RNGTT: variants seen among roughly 807,000 people sequenced by gnomAD.
RNGTT encodes the protein RNA guanylyltransferase and 5'-phosphatase.
Under a neutral mutation model 79.3 loss-of-function variants are expected in RNGTT, and 33 were observed. That is an observed-to-expected ratio of 0.42 (90% CI 0.32 to 0.56). RNGTT has a LOEUF of 0.56. RNGTT is among the 20% of genes least tolerant of loss of function. The pLI, the probability that RNGTT is intolerant of heterozygous loss-of-function variation, is 0.17. For missense variants in RNGTT, 497 were observed against 739.1 expected (o/e 0.67, Z 3.80); for synonymous variants, 222 against 235.9 (o/e 0.94, Z 0.54).
intron 12 of RNGTT, among the ~76,000 whole-genome samples, chr6:88,779,947 T>A (rs1418061604): frequency 6.6e-6 from 1 of 152,168 alleles, no homozygotes; most frequent in Admixed American, 6.5e-5. Flanking sequence ...TGAGTCAAGA[T>A]CACACCACTG....
At chr6:88,629,466 G>T (rs1413750657) in intron 14 of RNGTT, among the ~76,000 whole-genome samples, 2 of 152,044 alleles carry the variant, frequency 1.3e-5, no homozygotes, top group African/African-American at 4.8e-5. Flanking sequence ...CACAATTCAC[G>T]TTCTTAAAGA....
intron 12 of RNGTT, among the ~76,000 whole-genome samples, chr6:88,784,969 G>A (rs1277410362): frequency 6.6e-6 from 1 of 151,950 alleles, no homozygotes; most frequent in African/African-American, 2.4e-5. Flanking sequence ...GTATGAGAGG[G>A]AAATTTTCTT....
chr6:88,645,052 G>A (rs1394989629), intron 14 of RNGTT, among the ~76,000 whole-genome samples: 1 of 152,168 alleles, frequency 6.6e-6, no homozygotes, highest in Non-Finnish European at 1.5e-5. Context: ...AGGAAAAGAG[G>A]AAGTCAAATT....
chr6:88,693,221 C>T (rs760218013), intron 13 of RNGTT, among the ~76,000 whole-genome samples: 21 of 151,766 alleles, frequency 1.4e-4, no homozygotes, highest in Non-Finnish European at 2.1e-4. Context: ...ACAAAATTGG[C>T]AAACCCTTAC....
chr6:88,715,394 G>A (rs951514208), intron 13 of RNGTT, among the ~76,000 whole-genome samples: 4 of 151,946 alleles, frequency 2.6e-5, no homozygotes, highest in African/African-American at 2.4e-5. Flanking sequence ...TACTGCCCAA[G>A]GTAATTTATA....
intron 13 of RNGTT, among the ~76,000 whole-genome samples, chr6:88,722,585 T>C (rs1202159752): frequency 1.3e-5 from 2 of 152,064 alleles, no homozygotes; most frequent in East Asian, 3.9e-4. Flanking sequence ...TGGAAGTGAG[T>C]ATGGATTACT....
At chr6:88,880,817 C>G (rs1392801593) in intron 8 of RNGTT, among the ~76,000 whole-genome samples, 1 of 152,140 alleles carries the variant, frequency 6.6e-6, no homozygotes, top group East Asian at 1.9e-4. Flanking sequence ...GTCTTCATCA[C>G]TTTCAATTGA....
At chr6:88,938,930 T>C (rs562418037) in intron 2 of RNGTT, among the ~76,000 whole-genome samples, 1 of 152,352 alleles carries the variant, frequency 6.6e-6, no homozygotes, top group African/African-American at 2.4e-5. Context: ...TTTCAGAACT[T>C]TGAATATATC....
At chr6:88,763,243 G>A (rs1778331510) in intron 13 of RNGTT, among the ~76,000 whole-genome samples, 1 of 151,862 alleles carries the variant, frequency 6.6e-6, no homozygotes, top group Non-Finnish European at 1.5e-5. Context: ...TGTGCCTGGT[G>A]GAAGAGTTAT....
intron 13 of RNGTT, among the ~76,000 whole-genome samples, chr6:88,700,372 A>T (rs1331160007): frequency 1.3e-5 from 2 of 151,956 alleles, no homozygotes; most frequent in Non-Finnish European, 2.9e-5. Context: ...CCCTTAATTC[A>T]CCTGTTATTT....
At chr6:88,876,501 T>C (rs1782524027) in intron 8 of RNGTT, among the ~76,000 whole-genome samples, 1 of 152,218 alleles carries the variant, frequency 6.6e-6, no homozygotes, top group South Asian at 2.1e-4. Flanking sequence ...GGCAAAACAG[T>C]GAGACCCTGT....
intron 13 of RNGTT, among the ~76,000 whole-genome samples, chr6:88,690,874 A>C (rs1030210013): frequency 6.6e-6 from 1 of 152,164 alleles, no homozygotes; most frequent in Non-Finnish European, 1.5e-5. Context: ...CATGTGTCCT[A>C]AAGTACATGT....
chr6:88,914,872 G>A (rs1187480497), intron 4 of RNGTT, among the ~76,000 whole-genome samples: 1 of 152,104 alleles, frequency 6.6e-6, no homozygotes, highest in Non-Finnish European at 1.5e-5. Context: ...CACAGACTAT[G>A]TATCTGAAAA....
At chr6:88,721,214 T>C (rs1271430057) in intron 13 of RNGTT, among the ~76,000 whole-genome samples, 1 of 152,090 alleles carries the variant, frequency 6.6e-6, no homozygotes. Flanking sequence ...AATCTCTACC[T>C]TAAATCCAAA....
chr6:88,769,846 A>G lies in RNGTT; in HGVS notation c.1367T>C (p.Ile456Thr), dbSNP rs544468287. The G allele has an allele frequency of 6.2e-7, 1 of 1,611,440 alleles. No homozygotes were observed. The highest frequency in any genetic ancestry group is 1.1e-5 in the South Asian group (1 of 90,756). Residue 456 changes from isoleucine to threonine, a missense_variant, in exon 13 of 16, where the codon ATT (isoleucine) becomes ACT (threonine). By Grantham distance (89) the Ile-to-Thr change is moderately conservative (BLOSUM62 -1). This residue lies in a region of RNGTT where 440 missense variants were observed against 671.5 expected (regional missense o/e 0.66). Transcript: ENST00000369485. ...GKYKPGRCDDILKWKPPSLNS... is the reference protein window; with the variant it reads ...GKYKPGRCDDTLKWKPPSLNS... The stretch of plus-strand genomic sequence containing the variant: ...CAGACTGGGAGGCTTCCATTTCAAA[A>G]TATCATCACATCGACCAGGTTTGTA...
intron 11 of RNGTT, among the ~76,000 whole-genome samples, chr6:88,840,348 G>T (rs1781235132): frequency 2.0e-5 from 3 of 152,094 alleles, no homozygotes; most frequent in African/African-American, 7.2e-5. Flanking sequence ...AATAAGAACT[G>T]AAAGTGAGGA....
intron 14 of RNGTT, among the ~76,000 whole-genome samples, chr6:88,660,354 A>G (rs1774134521): frequency 1.3e-5 from 2 of 152,190 alleles, no homozygotes; most frequent in African/African-American, 4.8e-5. Flanking sequence ...TAAAAGATAC[A>G]GAATAGCAGA....
At chr6:88,823,244 A>G (rs1490864786) in intron 11 of RNGTT, among the ~76,000 whole-genome samples, 2 of 152,234 alleles carry the variant, frequency 1.3e-5, no homozygotes, top group Non-Finnish European at 2.9e-5. Flanking sequence ...CTGACTGAAC[A>G]ACATGGTGAA....
chr6:88,697,895 T>C (rs1318581195), intron 13 of RNGTT, among the ~76,000 whole-genome samples: 3 of 94,990 alleles, frequency 3.2e-5, no homozygotes, highest in Non-Finnish European at 5.4e-5. Flanking sequence ...ATATGATATA[T>C]ATATATGATA....
Sources: gnomAD v4.1 joint callset for allele counts (sites outside exome capture counted in the v4.1 genomes callset) on GRCh38, gnomAD v4.1.1 for gene constraint, gnomAD v4.1.1 regional missense constraint, MANE v1.5 for transcripts, NCBI Gene and HGNC (gene_info 2026-07-23, HGNC 2026-07-21) for gene names.